NTRK2: variants seen among roughly 807,000 people sequenced by gnomAD.
NTRK2 encodes neurotrophic receptor tyrosine kinase 2.
Under a neutral mutation model 94.5 loss-of-function variants are expected in NTRK2, and 13 were observed. The observed-to-expected ratio is 0.14, with a 90% confidence interval of 0.09 to 0.22. The LOEUF (loss-of-function observed/expected upper bound fraction) is 0.22. Ranked by LOEUF, NTRK2 falls within the 10% of genes least tolerant of loss-of-function variation. The pLI is 1.00. For missense variants in NTRK2, 639 were observed against 1,071.2 expected (o/e 0.60, Z 5.63); for synonymous variants, 372 against 407.4 (o/e 0.91, Z 1.05).
At chr9:84,833,146 T>C (rs1408824731) in intron 12 of NTRK2, among the ~76,000 whole-genome samples, 1 of 152,112 alleles carries the variant, frequency 6.6e-6, no homozygotes, top group African/African-American at 2.4e-5. Flanking sequence ...AGAGACTGCA[T>C]GTTCAAAAAG....
chr9:84,705,648 C>T (rs957502466), intron 4 of NTRK2, among the ~76,000 whole-genome samples: 2 of 152,108 alleles, frequency 1.3e-5, no homozygotes, highest in Non-Finnish European at 2.9e-5. Context: ...AGGAGGAAAG[C>T]AGGTTTTTGG....
intron 14 of NTRK2, among the ~76,000 whole-genome samples, chr9:84,880,438 G>T (rs575612765): frequency 6.6e-6 from 1 of 152,262 alleles, no homozygotes; most frequent in African/African-American, 2.4e-5. Flanking sequence ...CATCGCAGAG[G>T]ACAGACAAGT....
At position 84,723,663 on chromosome 9, in the gene NTRK2, T is replaced by C. The variant is rs1476700706; in HGVS notation, c.674T>C (p.Val225Ala). ...TCCTGTAGTGTGGCAGGTGATCCGGTTCCTAATATGTATTGGGATGTTGGT... is the reference window on the plus strand; with the variant it reads ...TCCTGTAGTGTGGCAGGTGATCCGGCTCCTAATATGTATTGGGATGTTGGT... ...TLSCSVAGDPVPNMYWDVGNL... is the reference protein window; with the variant it reads ...TLSCSVAGDPAPNMYWDVGNL... Residue 225 changes from valine (V) to alanine (A), a missense_variant, in exon 7 of 19, where the codon GTT (valine) becomes GCT (alanine). Val to Ala is a moderately conservative substitution (Grantham distance 64). Coordinates refer to ENST00000277120, the MANE Select transcript of NTRK2 (RefSeq NM_006180.6). 1 of 1,614,130 alleles carries C rather than the reference T, an allele frequency of 6.2e-7. No individual in the cohort carries two copies. The highest frequency in any genetic ancestry group is 1.1e-5 in the South Asian group (1 of 91,078).
At chr9:84,835,787 G>C (rs1257182400) in intron 12 of NTRK2, among the ~76,000 whole-genome samples, 1 of 152,214 alleles carries the variant, frequency 6.6e-6, no homozygotes, top group African/African-American at 2.4e-5. Flanking sequence ...AATAAAATGT[G>C]TGAGAGCAAC....
rs1197969066 is a variant in NTRK2 at position 85,021,992 on chromosome 9, G to C, written c.*555G>C. The C allele has an allele frequency of 2.1e-5, 5 of 238,122 alleles. No individual in the cohort carries two copies. Among genetic ancestry groups the C allele is most frequent in the Non-Finnish European group, 4.1e-5 (5 of 121,134 alleles). 14.8% of individuals were successfully genotyped at this position (238,122 alleles called of 1,614,324 possible). On this transcript the variant is annotated 3_prime_UTR_variant, in exon 19 of 19. Coordinates refer to ENST00000277120, the MANE Select transcript of NTRK2 (RefSeq NM_006180.6). Reference sequence around the variant, plus strand: ...CTTCTATTTATTTATTATTATTACTGTTCTTATTGTTTTTGGATGGCTTAA... The same window carrying C: ...CTTCTATTTATTTATTATTATTACTCTTCTTATTGTTTTTGGATGGCTTAA...
At chr9:84,846,891 T>A (rs563917666) in intron 12 of NTRK2, among the ~76,000 whole-genome samples, 2 of 152,306 alleles carry the variant, frequency 1.3e-5, no homozygotes, top group South Asian at 2.1e-4. Flanking sequence ...TGCTCATTTC[T>A]TCATAGGCAT....
intron 17 of NTRK2, among the ~76,000 whole-genome samples, chr9:85,014,762 A>G (rs1337048366): frequency 2.0e-5 from 3 of 152,244 alleles, no homozygotes; most frequent in Non-Finnish European, 4.4e-5. Context: ...TTTATTGTCT[A>G]GAAATACCTT....
At chr9:84,837,354 G>T (rs1183201073) in intron 12 of NTRK2, among the ~76,000 whole-genome samples, 1 of 152,228 alleles carries the variant, frequency 6.6e-6, no homozygotes, top group African/African-American at 2.4e-5. Flanking sequence ...AGGCTGCCTG[G>T]GATCTAAGTC....
At chr9:84,963,351 G>GAAAA (rs1476519052) in intron 17 of NTRK2, among the ~76,000 whole-genome samples, 3 of 152,068 alleles carry the variant, frequency 2.0e-5, no homozygotes, top group Non-Finnish European at 2.9e-5. Context: ...ATGGCTTTGG[G>GAAAA]GTCATCAAAG....
At position 84,860,315 on chromosome 9, in the gene NTRK2, C is replaced by T. The variant is rs79208854; in HGVS notation, c.1397-725C>T. 4.7e-3 allele frequency among the ~76,000 whole-genome samples: 714 copies of T among 152,274 alleles called. 13 individuals are homozygous for T. Among genetic ancestry groups the T allele is most frequent in the Admixed American group, 0.038 (576 of 15,290 alleles). On this transcript the variant is annotated intron_variant, in intron 12 of 18. Coordinates refer to ENST00000277120, the MANE Select transcript of NTRK2 (RefSeq NM_006180.6). ...AGACATTTCACTGTGGCTTTATTCA[C>T]GGGAGGCTCTCCAGACGTTTGGCAG...
intron 6 of NTRK2, among the ~76,000 whole-genome samples, chr9:84,711,287 C>G (rs1368723740): frequency 6.6e-6 from 1 of 152,168 alleles, no homozygotes; most frequent in Non-Finnish European, 1.5e-5. Flanking sequence ...TGGGGTGCCC[C>G]AAGTCTGCCA....
chr9:84,860,907 A>G (rs558692103), intron 12 of NTRK2, 133 bp from the exon 13 acceptor site: 2 of 424,760 alleles, frequency 4.7e-6, no homozygotes, highest in Non-Finnish European at 4.0e-6. Context: ...TTATTTATTT[A>G]TTTATTTATT....
chr9:84,958,285 A>G (rs1275605561), intron 17 of NTRK2, among the ~76,000 whole-genome samples: 1 of 152,362 alleles, frequency 6.6e-6, no homozygotes, highest in East Asian at 1.9e-4. Context: ...AAAGAGCATG[A>G]AAAGGAAAAT....
chr9:85,021,602 T>G lies in NTRK2; in HGVS notation c.*165T>G, dbSNP rs576840566. 1.4e-6 allele frequency: 1 copy of G among 712,754 alleles called. No individual in the cohort carries two copies. The highest frequency in any genetic ancestry group is 1.7e-5 in the African/African-American group (1 of 57,666). 44.2% of individuals were successfully genotyped at this position (712,754 alleles called of 1,614,324 possible). On this transcript the variant is annotated 3_prime_UTR_variant, in exon 19 of 19. Coordinates refer to ENST00000277120, the MANE Select transcript of NTRK2 (RefSeq NM_006180.6). Reference sequence around the variant, plus strand: ...TCTCGAGGGAAGCAGTGTGTACTTCTTCATCCATAGACACAGTATTGACTT... The same window carrying G: ...TCTCGAGGGAAGCAGTGTGTACTTCGTCATCCATAGACACAGTATTGACTT...
intron 17 of NTRK2, among the ~76,000 whole-genome samples, chr9:84,971,340 A>T (rs1826161151): frequency 6.6e-6 from 1 of 152,238 alleles, no homozygotes; most frequent in South Asian, 2.1e-4. Context: ...TTATCAAATA[A>T]TTCCACAAAC....
Position 84,741,901 on chromosome 9 carries a change from C to T in NTRK2, c.1169C>T (p.Pro390Leu). 6.2e-7 allele frequency: 1 copy of T among 1,613,082 alleles called. No homozygotes were observed. Among genetic ancestry groups the T allele is most frequent in the Admixed American group, 1.7e-5 (1 of 60,006 alleles). ...CTGTTTTGCCTTTTAGGTGCAAACC[C>T]AAATTATCCTGATGTAATTTATGAA... The part of the protein sequence containing the change: ...GWPGIDDGAN[P>L]NYPDVIYEDY... Residue 390 changes from proline to leucine, a missense_variant, in exon 10 of 19, where the codon CCA becomes CTA. Around this residue, in one of 5 missense-constraint regions of NTRK2, gnomAD observed 343 missense variants for 571.5 expected, o/e 0.60. Coordinates refer to ENST00000277120, the MANE Select transcript of NTRK2 (RefSeq NM_006180.6).
At chr9:84,813,093 T>C (rs2071995031) in intron 12 of NTRK2, 1 of 1,039,406 alleles carries the variant, frequency 9.6e-7, no homozygotes, top group Non-Finnish European at 1.2e-6. Flanking sequence ...ATGTGTTGCA[T>C]TATTGCAGCA....
intron 17 of NTRK2, among the ~76,000 whole-genome samples, chr9:84,996,415 G>T (rs373874173): frequency 1.3e-5 from 2 of 152,250 alleles, no homozygotes; most frequent in African/African-American, 2.4e-5. Flanking sequence ...ACTGTACGCC[G>T]TGGGCAGAGC....
At chr9:84,977,506 C>T (rs59522990) in intron 17 of NTRK2, among the ~76,000 whole-genome samples, 33,372 of 152,158 alleles carry the variant, frequency 0.22, 4,415 homozygotes, top group African/African-American at 0.37. Context: ...GCATATCAGA[C>T]AACTCAAATA....
Sources: allele counts gnomAD v4.1 joint callset (sites outside exome capture counted in the v4.1 genomes callset), GRCh38; gene constraint gnomAD v4.1.1; regional missense constraint gnomAD v4.1.1; transcripts MANE v1.5; gene names NCBI Gene and HGNC (gene_info 2026-07-23, HGNC 2026-07-21).